The following ARHGAP44 variants were observed in gnomAD, a reference collection of about 807,000 sequenced individuals.
The protein encoded by ARHGAP44 is Rho GTPase activating protein 44.
A neutral mutation model predicts 106.8 loss-of-function variants in ARHGAP44; 43 were observed. The ratio of observed to expected loss-of-function variants is 0.40; its 90% CI spans 0.32 to 0.52. The LOEUF (loss-of-function observed/expected upper bound fraction) is 0.52. Among genes scored for constraint, ARHGAP44 ranks in the 20% least tolerant of loss-of-function variants. ARHGAP44 has a pLI of 0.48. For missense variants in ARHGAP44, 866 were observed against 1,050.5 expected (o/e 0.82, Z 2.43); for synonymous variants, 439 against 410.3 (o/e 1.07, Z -0.85).
chr17:12,903,902 A>G (rs996425024), intron 3 of ARHGAP44, among the ~76,000 whole-genome samples: 5 of 152,150 alleles, frequency 3.3e-5, no homozygotes, highest in Non-Finnish European at 5.9e-5. Flanking sequence ...GTTATATGAG[A>G]TTGCTACAAT....
chr17:12,846,528 A>ACC (rs1352029030), intron 1 of ARHGAP44, among the ~76,000 whole-genome samples: 1 of 152,266 alleles, frequency 6.6e-6, no homozygotes, highest in Non-Finnish European at 1.5e-5. Context: ...GTATTTCATT[A>ACC]CACTGATACA....
intron 1 of ARHGAP44, among the ~76,000 whole-genome samples, chr17:12,893,305 C>T (rs1275289020): frequency 1.3e-5 from 2 of 152,164 alleles, no homozygotes; most frequent in African/African-American, 2.4e-5. Context: ...ATGAGTGTCT[C>T]ATTATTGCTC....
intron 1 of ARHGAP44, among the ~76,000 whole-genome samples, chr17:12,791,991 C>A (rs1337540384): frequency 6.6e-6 from 1 of 152,184 alleles, no homozygotes; most frequent in Non-Finnish European, 1.5e-5. Context: ...CTTAGCATCT[C>A]ATATCTTGCC....
chr17:12,888,159 C>T (rs1459961064), intron 1 of ARHGAP44, among the ~76,000 whole-genome samples: 2 of 151,866 alleles, frequency 1.3e-5, no homozygotes, highest in Non-Finnish European at 2.9e-5. Flanking sequence ...TTGCTTTGGA[C>T]TTTATTTGGT....
intron 16 of ARHGAP44, among the ~76,000 whole-genome samples, chr17:12,964,466 TGGAGAAGCCCAGA>T (rs140055324): frequency 0.1 from 15,270 of 152,162 alleles, 889 homozygotes; most frequent in South Asian, 0.2. Context: ...GAAGGACCTG[TGGAGAAGCCCAGA>T]GGCAAGAATA....
chr17:12,793,272 C>T (rs1030273815), intron 1 of ARHGAP44, among the ~76,000 whole-genome samples: 2 of 152,204 alleles, frequency 1.3e-5, no homozygotes, highest in African/African-American at 4.8e-5. Context: ...CTACAAGTAT[C>T]TCTGGGCAAA....
intron 13 of ARHGAP44, 62 bp from the exon 14 acceptor site, chr17:12,955,804 TC>T: frequency 1.0e-6 from 1 of 978,042 alleles, no homozygotes; most frequent in Non-Finnish European, 1.6e-6. Flanking sequence ...TTCTGTCCAG[TC>T]CCCGGGGGAC....
chr17:12,910,504 A>C (rs1257568945), intron 4 of ARHGAP44, among the ~76,000 whole-genome samples: 2 of 125,214 alleles, frequency 1.6e-5, no homozygotes, highest in African/African-American at 3.0e-5. Context: ...GCTGGAGTGC[A>C]ATGACGCAAT....
chr17:12,919,685 C>A, intron 5 of ARHGAP44, 70 bp from the exon 6 acceptor site: 1 of 1,429,356 alleles, frequency 7.0e-7, no homozygotes, highest in Admixed American at 2.1e-5. Flanking sequence ...CGCGCCTGGC[C>A]AGGAATGGTT....
rs149040878 is a variant in ARHGAP44, at chr17:12,930,082, A to G, written c.582+1036A>G. Among the ~76,000 whole-genome samples the G allele has an allele frequency of 2.5e-3, 381 of 152,344 alleles. 2 individuals carry two copies. The highest frequency in any genetic ancestry group is 8.6e-3 in the African/African-American group (357 of 41,588). On this transcript the variant is annotated intron_variant, in intron 7 of 20. Coordinates refer to ENST00000379672, the MANE Select transcript of ARHGAP44 (RefSeq NM_014859.6). Reference sequence around the variant, plus strand: ...CCAAGCAAAGTAAGACTAGTACTTCATATGCCAGATTTTTTGTGAGTGCAG... The same window carrying G: ...CCAAGCAAAGTAAGACTAGTACTTCGTATGCCAGATTTTTTGTGAGTGCAG...
rs1373561516 is a variant in ARHGAP44, at chr17:12,938,305, T to G, written c.583-2751T>G. On this transcript the variant is annotated intron_variant, in intron 7 of 20. Coordinates refer to ENST00000379672, the MANE Select transcript of ARHGAP44 (RefSeq NM_014859.6). Reference sequence around the variant, plus strand: ...TAATACTGTAGTAAGTAGATATAATTGTAGTAAATTTTTCAAAGAATGAAA... The same window carrying G: ...TAATACTGTAGTAAGTAGATATAATGGTAGTAAATTTTTCAAAGAATGAAA... 2.6e-5 allele frequency among the ~76,000 whole-genome samples: 4 copies of G among 152,118 alleles called. No individual in the cohort carries two copies. In the South Asian group the frequency reaches 6.2e-4, roughly 24 times the overall value.
intron 1 of ARHGAP44, among the ~76,000 whole-genome samples, chr17:12,838,774 C>G (rs1319339179): frequency 1.3e-5 from 2 of 152,060 alleles, no homozygotes; most frequent in Non-Finnish European, 1.5e-5. Context: ...TGGGTTCAAG[C>G]GATTCTCCTG....
chr17:12,934,534 G>A (rs2038490472), intron 7 of ARHGAP44, among the ~76,000 whole-genome samples: 2 of 152,182 alleles, frequency 1.3e-5, no homozygotes, highest in Admixed American at 1.3e-4. Context: ...GATCCCTTCT[G>A]CCAAAAGTAT....
At chr17:12,847,048 T>C (rs1057365803) in intron 1 of ARHGAP44, among the ~76,000 whole-genome samples, 2 of 152,172 alleles carry the variant, frequency 1.3e-5, no homozygotes, top group African/African-American at 4.8e-5. Flanking sequence ...TTCCACCTCT[T>C]CTGAATTACA....
intron 1 of ARHGAP44, among the ~76,000 whole-genome samples, chr17:12,847,483 C>G (rs2035601027): frequency 6.7e-6 from 1 of 150,332 alleles, no homozygotes; most frequent in Admixed American, 6.6e-5. Context: ...TCAGCCCTCC[C>G]CTACACCTTC....
chr17:12,851,792 GGAA>G (rs1160653689), intron 1 of ARHGAP44, among the ~76,000 whole-genome samples: 1 of 152,038 alleles, frequency 6.6e-6, no homozygotes, highest in Non-Finnish European at 1.5e-5. Flanking sequence ...CCCTAACTGA[GGAA>G]GACTTTCCAG....
intron 16 of ARHGAP44, among the ~76,000 whole-genome samples, chr17:12,970,382 A>G (rs867532207): frequency 1.5e-4 from 21 of 136,094 alleles, no homozygotes; most frequent in African/African-American, 4.0e-4. Context: ...AAAAAAAAAA[A>G]AAAAAAGAAA....
At position 12,974,110 on chromosome 17, in the gene ARHGAP44, C is replaced by T. The variant is rs1241958732; in HGVS notation, c.1563C>T (p.Asp521=). The change falls in exon 18 of 21, where the codon GAC becomes GAT. Residue 521 remains aspartate (D), a synonymous_variant. Coordinates refer to ENST00000379672, the MANE Select transcript of ARHGAP44 (RefSeq NM_014859.6). ...CCAGCATGGGTGTGAGGGTCATGGA[C>T]ACAAACTGGGTGGCTCGAAGAGGCT... ...KIQSMGVRVM[D]TNWVARRGSS... 6.4e-7 allele frequency: 1 copy of T among 1,571,332 alleles called. No individual in the cohort carries two copies. Among genetic ancestry groups the T allele is most frequent in the South Asian group, 1.2e-5 (1 of 85,416 alleles).
chr17:12,928,361 G>A (rs906523574), intron 6 of ARHGAP44, among the ~76,000 whole-genome samples: 6 of 152,184 alleles, frequency 3.9e-5, no homozygotes, highest in Non-Finnish European at 7.3e-5. Flanking sequence ...GATAGAGACT[G>A]TGCTTAAAGG....
Sources: gnomAD v4.1 joint callset for allele counts (sites outside exome capture counted in the v4.1 genomes callset) on GRCh38, gnomAD v4.1.1 for gene constraint, MANE v1.5 for transcripts, NCBI Gene and HGNC (gene_info 2026-07-23, HGNC 2026-07-21) for gene names.